Variants in CRPPA observed in about 807,000 individuals in gnomAD.
The protein encoded by CRPPA is CDP-L-ribitol pyrophosphorylase A.
In CRPPA, 43 loss-of-function variants were observed where a neutral mutation model predicts 52.0. That is an observed-to-expected ratio of 0.83 (90% confidence interval 0.65 to 1.07). CRPPA has a LOEUF of 1.07. Among genes scored for constraint, CRPPA ranks in the 50% least tolerant of loss-of-function variants. CRPPA has a pLI of 0.00. For missense variants in CRPPA, 629 were observed against 551.7 expected (o/e 1.14, Z -1.40); for synonymous variants, 250 against 203.5 (o/e 1.23, Z -1.94).
intron 9 of CRPPA, among the ~76,000 whole-genome samples, chr7:16,140,432 T>C (rs1413375660): frequency 1.6e-4 from 25 of 152,200 alleles, no homozygotes. Context: ...CCCAGAGTGC[T>C]AGGATTACAG....
At chr7:16,216,708 C>G (rs1003916542) in intron 8 of CRPPA, 4 of 154,690 alleles carry the variant, frequency 2.6e-5, no homozygotes, top group African/African-American at 9.6e-5. Context: ...GGGTCACTCC[C>G]ACCCGAATAT....
At chr7:16,109,447 C>T (rs959616642) in intron 9 of CRPPA, among the ~76,000 whole-genome samples, 2 of 151,802 alleles carry the variant, frequency 1.3e-5, no homozygotes, top group African/African-American at 4.8e-5. Context: ...AGTCTAGGAC[C>T]TGAGGGTTTC....
chr7:16,104,007 A>C (rs533192728), intron 9 of CRPPA, among the ~76,000 whole-genome samples: 30 of 152,340 alleles, frequency 2.0e-4, no homozygotes, highest in African/African-American at 7.0e-4. Context: ...TGGGGCAAAG[A>C]AAAGGATCAT....
intron 9 of CRPPA, among the ~76,000 whole-genome samples, chr7:16,114,504 G>C (rs1046893801): frequency 1.3e-5 from 2 of 152,038 alleles, no homozygotes; most frequent in Non-Finnish European, 2.9e-5. Context: ...CTACTGATGA[G>C]TATAAAGTTT....
At chr7:16,239,080 G>A (rs1400691113) in intron 8 of CRPPA, among the ~76,000 whole-genome samples, 1 of 134,844 alleles carries the variant, frequency 7.4e-6, no homozygotes, top group African/African-American at 2.7e-5. Context: ...AGAGGTTGCA[G>A]TGAACTGAGA....
intron 3 of CRPPA, among the ~76,000 whole-genome samples, chr7:16,322,937 A>G (rs1562630618): frequency 6.6e-6 from 1 of 152,100 alleles, no homozygotes; most frequent in African/African-American, 2.4e-5. Flanking sequence ...GGCAGGAGAG[A>G]GAATGAGAGC....
chr7:16,325,497 T>C (rs111402308), intron 3 of CRPPA, among the ~76,000 whole-genome samples: 3 of 152,264 alleles, frequency 2.0e-5, no homozygotes, highest in African/African-American at 7.2e-5. Context: ...TCCATGGATA[T>C]TGGACTGTTT....
chr7:16,342,798 T>TATATATATATATATATATATATAGATATA, intron 3 of CRPPA, among the ~76,000 whole-genome samples: 1 of 101,254 alleles, frequency 9.9e-6, no homozygotes, highest in South Asian at 2.7e-4. Context: ...TATATATATA[T>TATATATATATATATATATATATAGATATA]CTATATAGAT....
chr7:16,312,139 T>C (rs1785047186), intron 3 of CRPPA, among the ~76,000 whole-genome samples: 1 of 152,020 alleles, frequency 6.6e-6, no homozygotes, highest in Non-Finnish European at 1.5e-5. Context: ...TTAGAATAAG[T>C]TTGTCAATAC....
intron 8 of CRPPA, chr7:16,216,569 G>A (rs1160426852): frequency 1.4e-5 from 3 of 216,570 alleles, no homozygotes; most frequent in African/African-American, 4.7e-5. Context: ...AGTGGGCGCA[G>A]GTCAGTGGGT....
rs79216647 is a variant in CRPPA at position 16,337,365 on chromosome 7, G to A, written c.685-28738C>T. 5.3e-3 allele frequency among the ~76,000 whole-genome samples: 809 copies of A among 152,092 alleles called. 8 individuals are homozygous for A. The highest frequency in any genetic ancestry group is 0.018 in the African/African-American group (745 of 41,512). On this transcript the variant is annotated intron_variant, in intron 3 of 9. Transcript: ENST00000407010. ...TTAAGAAACATGTTCTGAACCAACA[G>A]GTCACAGAAGAAAATCAAGAAAATA... is the stretch of plus-strand genomic sequence containing the variant.
At chr7:16,221,172 C>T (rs188031164) in intron 8 of CRPPA, among the ~76,000 whole-genome samples, 2,686 of 152,200 alleles carry the variant, frequency 0.018, 71 homozygotes, top group African/African-American at 0.062. Context: ...TTTGACAAAC[C>T]TGAGAAAAAC....
At chr7:16,117,207 G>C (rs941812607) in intron 9 of CRPPA, among the ~76,000 whole-genome samples, 1 of 152,148 alleles carries the variant, frequency 6.6e-6, no homozygotes, top group African/African-American at 2.4e-5. Context: ...ATGTGAATCG[G>C]TTGTTTCTCT....
At chr7:16,337,435 T>C (rs1299272278) in intron 3 of CRPPA, among the ~76,000 whole-genome samples, 4 of 151,922 alleles carry the variant, frequency 2.6e-5, no homozygotes, top group African/African-American at 7.2e-5. Context: ...GAACACAACA[T>C]ACCAAAACTT....
chr7:16,221,639 A>G (rs1003795725), intron 8 of CRPPA, among the ~76,000 whole-genome samples: 15 of 152,096 alleles, frequency 9.9e-5, no homozygotes, highest in Non-Finnish European at 2.1e-4. Context: ...GGCGAAGGAC[A>G]TGAACAGACA....
rs1444440384 is a variant in CRPPA, at chr7:16,345,537, A to G, written c.684+30555T>C. Among the ~76,000 whole-genome samples the G allele has an allele frequency of 2.6e-5, 4 of 152,336 alleles. No individual in the cohort carries two copies. In the East Asian group the frequency reaches 7.7e-4, roughly 29 times the overall value. ...TATAGAGAGCAATAATATAAATATT[A>G]AAAGGTAAACAGTGTATAAATATGC... On this transcript the variant is annotated intron_variant, in intron 3 of 9. Coordinates refer to ENST00000407010, the MANE Select transcript of CRPPA (RefSeq NM_001101426.4).
At chr7:16,187,551 A>G (rs1232888047) in intron 9 of CRPPA, among the ~76,000 whole-genome samples, 1 of 152,216 alleles carries the variant, frequency 6.6e-6, no homozygotes, top group Non-Finnish European at 1.5e-5. Flanking sequence ...GTTAACCTTA[A>G]GAGATCCAAG....
At chr7:16,276,733 A>G (rs1784210472) in intron 6 of CRPPA, 1 of 152,226 alleles carries the variant, frequency 6.6e-6, no homozygotes, top group African/African-American at 2.4e-5. Flanking sequence ...ATATTTACTT[A>G]TATGACTAAG....
chr7:16,141,376 AT>A (rs1268754901), intron 9 of CRPPA, among the ~76,000 whole-genome samples: 3 of 152,178 alleles, frequency 2.0e-5, no homozygotes, highest in South Asian at 2.1e-4. Context: ...ATCAAGAACC[AT>A]TTTTTCCATC....
Sources: allele counts gnomAD v4.1 joint callset (sites outside exome capture counted in the v4.1 genomes callset), GRCh38; gene constraint gnomAD v4.1.1; transcripts MANE v1.5; gene names NCBI Gene and HGNC (gene_info 2026-07-23, HGNC 2026-07-21).